Variants in ALG6 observed in about 807,000 individuals in gnomAD.
The protein encoded by ALG6 is ALG6 alpha-1,3-glucosyltransferase.
A neutral mutation model predicts 66.6 loss-of-function variants in ALG6; 46 were observed. The observed-to-expected ratio is 0.69, with a 90% CI of 0.55 to 0.88. ALG6 has a LOEUF of 0.88. Among genes scored for constraint, ALG6 ranks in the 40% least tolerant of loss-of-function variants. The pLI is 0.00. For synonymous variants in ALG6, 185 were observed against 203.7 expected (o/e 0.91, Z 0.78); for missense variants, 505 against 586.8 (o/e 0.86, Z 1.44).
intron 3 of ALG6, among the ~76,000 whole-genome samples, chr1:63,398,327 T>A (rs775528414): frequency 7.2e-5 from 11 of 152,210 alleles, no homozygotes; most frequent in Admixed American, 4.6e-4. Flanking sequence ...TTTTTCTAGG[T>A]AGATTCCTAG....
At position 63,411,280 on chromosome 1, in the gene ALG6, T is replaced by G; in HGVS notation, c.629T>G (p.Phe210Cys). 6.2e-7 allele frequency: 1 copy of G among 1,613,928 alleles called. No individual in the cohort carries two copies. The highest frequency in any genetic ancestry group is 8.5e-7 in the Non-Finnish European group (1 of 1,179,890). Reference sequence around the variant, plus strand: ...ATGGAACTTTACCACGCCTTGCCATTTTTTTGCTTTTTACTTGGCAAGTGT... The same window carrying G: ...ATGGAACTTTACCACGCCTTGCCATGTTTTTGCTTTTTACTTGGCAAGTGT... ...KQMELYHALPFFCFLLGKCFK... is the reference protein window; with the variant it reads ...KQMELYHALPCFCFLLGKCFK... The change falls in exon 8 of 15, where the codon TTT becomes TGT. Residue 210 changes from phenylalanine to cysteine, a missense_variant. Phe to Cys is a radical substitution (Grantham distance 205). Transcript: ENST00000263440.
chr1:63,375,178 GGT>G (rs1406052612), intron 2 of ALG6, among the ~76,000 whole-genome samples: 1 of 150,094 alleles, frequency 6.7e-6, no homozygotes, highest in Non-Finnish European at 1.5e-5. Context: ...CTTCAGCCTG[GGT>G]GACAGAGGGA....
chr1:63,424,317 T>G (rs1157616707), intron 12 of ALG6, among the ~76,000 whole-genome samples: 2 of 152,070 alleles, frequency 1.3e-5, no homozygotes, highest in African/African-American at 4.8e-5. Context: ...ATTTTTGCAT[T>G]TTTAGTAGAG....
intron 3 of ALG6, among the ~76,000 whole-genome samples, chr1:63,396,883 A>T (rs1249273282): frequency 6.6e-6 from 1 of 152,186 alleles, no homozygotes; most frequent in East Asian, 1.9e-4. Context: ...TGGAAGCACC[A>T]TCATAGGCTA....
intron 2 of ALG6, among the ~76,000 whole-genome samples, chr1:63,381,627 A>C (rs954754206): frequency 2.0e-5 from 3 of 149,242 alleles, no homozygotes; most frequent in Admixed American, 2.0e-4. Flanking sequence ...CCTGGGTGAC[A>C]GAACAAGACC....
chr1:63,414,465 G>A (rs1175384650), intron 10 of ALG6, among the ~76,000 whole-genome samples: 1 of 152,056 alleles, frequency 6.6e-6, no homozygotes, highest in African/African-American at 2.4e-5. Flanking sequence ...GGCCAGGCTG[G>A]TCTCGAACTC....
chr1:63,428,598 C>G (rs1644629319), intron 12 of ALG6, 135 bp from the exon 13 acceptor site: 1 of 646,724 alleles, frequency 1.5e-6, no homozygotes, highest in African/African-American at 1.8e-5. Flanking sequence ...AATCAGTAGT[C>G]CATATGAAGA....
intron 3 of ALG6, among the ~76,000 whole-genome samples, chr1:63,397,339 C>T (rs1270328806): frequency 6.6e-6 from 1 of 152,028 alleles, no homozygotes; most frequent in East Asian, 1.9e-4. Context: ...GTGCCTGTCA[C>T]CATGCCCGGC....
intron 3 of ALG6, among the ~76,000 whole-genome samples, chr1:63,400,904 A>G (rs897050552): frequency 7.2e-5 from 11 of 152,196 alleles, no homozygotes; most frequent in Admixed American, 6.5e-4. Flanking sequence ...ATATAGTAAC[A>G]TGAATTTGGA....
intron 7 of ALG6, among the ~76,000 whole-genome samples, chr1:63,408,513 A>G (rs1644500913): frequency 1.3e-5 from 2 of 152,204 alleles, no homozygotes; most frequent in African/African-American, 4.8e-5. Flanking sequence ...CCTTGTACAT[A>G]TATAAACATT....
chr1:63,422,385 ATATATAAATATATAT>A, intron 12 of ALG6, among the ~76,000 whole-genome samples: 1 of 100,668 alleles, frequency 9.9e-6, no homozygotes. Context: ...AAGTATAAAT[ATATATAAATATATAT>A]CTATATAAAT....
chr1:63,400,163 C>A (rs1644440047), intron 3 of ALG6, among the ~76,000 whole-genome samples: 1 of 132,356 alleles, frequency 7.6e-6, no homozygotes, highest in Admixed American at 8.0e-5. Context: ...CATTGCACTC[C>A]AGCCTGGGCA....
intron 2 of ALG6, among the ~76,000 whole-genome samples, chr1:63,387,753 G>T (rs1255999822): frequency 6.6e-6 from 1 of 151,780 alleles, no homozygotes; most frequent in Admixed American, 6.6e-5. Context: ...TGTTGGCCAG[G>T]CTGGTCTTGA....
chr1:63,422,219 TTATATAAATATAAA>T (rs1384260842), intron 12 of ALG6, among the ~76,000 whole-genome samples: 6,852 of 87,668 alleles, frequency 0.078, 644 homozygotes, highest in Middle Eastern at 0.15. Context: ...AAATATATAT[TTATATAAATATAAA>T]TATATATATA....
At chr1:63,430,126 C>T (rs902242770) in intron 14 of ALG6, among the ~76,000 whole-genome samples, 30 of 152,134 alleles carry the variant, frequency 2.0e-4, no homozygotes, top group Admixed American at 9.2e-4. Flanking sequence ...CATGATCTGC[C>T]GGCCTTGGCC....
At chr1:63,399,644 T>G (rs1481371109) in intron 3 of ALG6, among the ~76,000 whole-genome samples, 1 of 152,216 alleles carries the variant, frequency 6.6e-6, no homozygotes, top group Non-Finnish European at 1.5e-5. Context: ...TTCTTGCAAC[T>G]TTTCTGTAAC....
chr1:63,404,865 A>G (rs555661576), intron 5 of ALG6, among the ~76,000 whole-genome samples: 8 of 152,276 alleles, frequency 5.3e-5, no homozygotes, highest in African/African-American at 1.9e-4. Flanking sequence ...CAAGATAGCT[A>G]TAAATTGAAT....
At chr1:63,391,071 C>T (rs879615432) in intron 2 of ALG6, among the ~76,000 whole-genome samples, 1 of 152,182 alleles carries the variant, frequency 6.6e-6, no homozygotes, top group African/African-American at 2.4e-5. Context: ...TTTGGCCATC[C>T]TGCTCTGCCT....
At chr1:63,375,082 T>C (rs575863784) in intron 2 of ALG6, among the ~76,000 whole-genome samples, 27 of 152,088 alleles carry the variant, frequency 1.8e-4, no homozygotes, top group Non-Finnish European at 1.5e-5. Flanking sequence ...ATGCCTGTAG[T>C]CCTAGCTACT....
Sources: gnomAD v4.1 joint callset for allele counts (sites outside exome capture counted in the v4.1 genomes callset) on GRCh38, gnomAD v4.1.1 for gene constraint, MANE v1.5 for transcripts, NCBI Gene and HGNC (gene_info 2026-07-23, HGNC 2026-07-21) for gene names.